Variants in PLEKHA6 observed in about 807,000 individuals in gnomAD.
The protein encoded by PLEKHA6 is pleckstrin homology domain containing A6, also known as pleckstrin homology domain-containing family A member 6.
A neutral mutation model predicts 116.7 loss-of-function variants in PLEKHA6; 60 were observed. The ratio of observed to expected loss-of-function variants is 0.51; its 90% confidence interval spans 0.42 to 0.64. The LOEUF (loss-of-function observed/expected upper bound fraction) is 0.64, where lower values mean the gene tolerates loss of function less well. Ranked by LOEUF, PLEKHA6 falls within the 30% of genes least tolerant of loss-of-function variation. PLEKHA6 has a pLI of 0.00. For synonymous variants in PLEKHA6, 489 were observed against 556.1 expected (o/e 0.88, Z 1.70); for missense variants, 1,338 against 1,422.7 (o/e 0.94, Z 0.96).
chr1:204,237,274 C>T (rs963163780), intron 17 of PLEKHA6, among the ~76,000 whole-genome samples: 1 of 152,150 alleles, frequency 6.6e-6, no homozygotes, highest in African/African-American at 2.4e-5. Context: ...GGAAGAACCC[C>T]CACATTGGCT....
intron 15 of PLEKHA6, 21 bp downstream of exon 15, chr1:204,244,843 C>T: frequency 1.3e-6 from 2 of 1,546,762 alleles, no homozygotes; most frequent in Non-Finnish European, 1.7e-6. Flanking sequence ...CACCTACCTT[C>T]TACTCCATTT....
rs574477690 is a variant in PLEKHA6 at position 204,358,752 on chromosome 1, C to G, written c.-95+942G>C. Among the ~76,000 whole-genome samples, 173 of 152,224 alleles carry G rather than the reference C, an allele frequency of 1.1e-3. 1 individual carries two copies. The highest frequency in any genetic ancestry group is 2.2e-3 in the Non-Finnish European group (148 of 67,974). On this transcript the variant is annotated intron_variant, in intron 1 of 22. Transcript: ENST00000272203. ...CCACCCTCCTGCAGCTCTCCCTCCC[C>G]ACCCCTGTGCCCCGGGGATGGCTCT... is the stretch of plus-strand genomic sequence containing the variant.
At position 204,270,752 on chromosome 1, in the gene PLEKHA6, TAA is replaced by T. The variant is rs1364133156; in HGVS notation, c.103-2442_103-2441del. 2.6e-5 allele frequency among the ~76,000 whole-genome samples: 4 copies of T among 152,196 alleles called. No homozygotes were observed. In the East Asian group the frequency reaches 7.7e-4, roughly 29 times the overall value. On this transcript the variant is annotated intron_variant, in intron 3 of 22. Transcript: ENST00000272203. ...CTATTTCTCTCTTGCACTCGTCACT[TAA>T]GAGAGAGGTTGGATTCCTCAGCACA... is the stretch of plus-strand genomic sequence containing the variant.
intron 1 of PLEKHA6, among the ~76,000 whole-genome samples, chr1:204,295,876 T>C (rs1670226040): frequency 6.6e-6 from 1 of 152,166 alleles, no homozygotes; most frequent in South Asian, 2.1e-4. Flanking sequence ...ACGAGCCTCC[T>C]GTGACAAAGC....
rs368874811 is a variant in PLEKHA6 at position 204,229,879 on chromosome 1, G to A, written c.2583+534C>T. Among the ~76,000 whole-genome samples the A allele has an allele frequency of 5.9e-5, 9 of 152,344 alleles. No individual in the cohort carries two copies. The East Asian group carries it at 1.7e-3, about 29-fold the overall frequency. ...GCTACATCCAGCTCTGTACTTAATA[G>A]CTGTGTAGCCCAGGAATCCTTTAAT... is the stretch of plus-strand genomic sequence containing the variant. On this transcript the variant is annotated intron_variant, in intron 18 of 22. Transcript: ENST00000272203.
chr1:204,310,180 G>C (rs1365893595), intron 1 of PLEKHA6, among the ~76,000 whole-genome samples: 1 of 152,056 alleles, frequency 6.6e-6, no homozygotes, highest in African/African-American at 2.4e-5. Context: ...TGGTAACAGT[G>C]ATCCTCTCCA....
chr1:204,279,814 T>G (rs1668413224), intron 1 of PLEKHA6, among the ~76,000 whole-genome samples: 1 of 152,198 alleles, frequency 6.6e-6, no homozygotes. Context: ...CTTAGTTTTC[T>G]CATGTGTAAA....
At chr1:204,292,295 T>TA (rs1669848430) in intron 1 of PLEKHA6, among the ~76,000 whole-genome samples, 1 of 152,232 alleles carries the variant, frequency 6.6e-6, no homozygotes, top group South Asian at 2.1e-4. Context: ...AAAGTGTTAG[T>TA]ACCACCCTCA....
rs2102779643 is a variant in PLEKHA6, at chr1:204,261,054, C to A, written c.524+252G>T. Among the ~76,000 whole-genome samples, 1 of 152,326 alleles carries A rather than the reference C, an allele frequency of 6.6e-6. No homozygotes were observed. The highest frequency in any genetic ancestry group is 2.4e-5 in the African/African-American group (1 of 41,564). On this transcript the variant is annotated intron_variant, in intron 7 of 22. Transcript: ENST00000272203. The surrounding 1 kb of genome is among the most constrained non-coding windows in gnomAD (Gnocchi z 4.0). The stretch of plus-strand genomic sequence containing the variant: ...CTGACCTCTGGCTCCTGGCCAGACC[C>A]CAATGGAACCTGGCTTTTCTCTTGG...
At chr1:204,350,175 G>A (rs979446109) in intron 1 of PLEKHA6, among the ~76,000 whole-genome samples, 1 of 152,116 alleles carries the variant, frequency 6.6e-6, no homozygotes, top group East Asian at 1.9e-4. Flanking sequence ...ACAAAAATTA[G>A]CTGGGCACAG....
In PLEKHA6 at chr1:204,277,329, G is replaced by A. The variant is rs1298667528; in HGVS notation, c.-94-2520C>T. On this transcript the variant is annotated intron_variant, in intron 1 of 22. Transcript: ENST00000272203. The surrounding 1 kb of genome is among the most constrained non-coding windows in gnomAD (Gnocchi z 4.1). ...GAGGACTGGAGGCAGAATAAACAAG[G>A]AGGGGATGATATCCTCCCCATTCAG... Among the ~76,000 whole-genome samples, 1 of 152,166 alleles carries A rather than the reference G, an allele frequency of 6.6e-6. No individual in the cohort carries two copies. Among genetic ancestry groups the A allele is most frequent in the Admixed American group, 6.5e-5 (1 of 15,274 alleles).
chr1:204,298,826 G>A (rs1385122129), intron 1 of PLEKHA6, among the ~76,000 whole-genome samples: 1 of 152,234 alleles, frequency 6.6e-6, no homozygotes, highest in African/African-American at 2.4e-5. Flanking sequence ...TGGGAACAGA[G>A]ATGGAGAGAA....
chr1:204,242,136 T>TG (rs934516176), intron 15 of PLEKHA6, among the ~76,000 whole-genome samples: 6 of 152,078 alleles, frequency 3.9e-5, no homozygotes, highest in South Asian at 2.1e-4. Flanking sequence ...GAATGGCCGG[T>TG]GGGGGGTCTC....
At chr1:204,250,447 C>T in intron 10 of PLEKHA6, 99 bp downstream of exon 10, 1 of 807,842 alleles carries the variant, frequency 1.2e-6, no homozygotes, top group Non-Finnish European at 2.2e-6. Context: ...GAGAGACAGC[C>T]CCCGCAGAGG....
At chr1:204,298,943 T>C (rs1255919044) in intron 1 of PLEKHA6, among the ~76,000 whole-genome samples, 1 of 152,202 alleles carries the variant, frequency 6.6e-6, no homozygotes, top group East Asian at 1.9e-4. Context: ...CTGAAAGTCC[T>C]CTCTGCAATG....
intron 1 of PLEKHA6, among the ~76,000 whole-genome samples, chr1:204,293,136 A>C (rs1467392714): frequency 6.7e-6 from 1 of 150,344 alleles, no homozygotes; most frequent in Non-Finnish European, 1.5e-5. Flanking sequence ...CAGTAATCAG[A>C]CTTTTTTTTT....
At chr1:204,320,726 C>G (rs549630205) in intron 1 of PLEKHA6, among the ~76,000 whole-genome samples, 1 of 152,212 alleles carries the variant, frequency 6.6e-6, no homozygotes, top group Non-Finnish European at 1.5e-5. Context: ...CTGTGGAGAC[C>G]TCCTGTACGC....
Position 204,245,686 on chromosome 1 carries a change from C to T in PLEKHA6, c.1961G>A (p.Arg654Lys). The change falls in exon 14 of 23, where the codon AGG becomes AAG. Residue 654 changes from arginine to lysine, a missense_variant. Physicochemically the swap from Arg to Lys is conservative, Grantham distance 26. Coordinates refer to ENST00000272203, the MANE Select transcript of PLEKHA6 (RefSeq NM_014935.5). Reference protein sequence around the residue: ...LNRQIQKEIWRIQDVMEGLRK... With the variant: ...LNRQIQKEIWKIQDVMEGLRK... ...CAGCCCCTCCATCACGTCCTGGATCCTCCAGATCTCCTTTTGGATTTGCCG... is the reference window on the plus strand; with the variant it reads ...CAGCCCCTCCATCACGTCCTGGATCTTCCAGATCTCCTTTTGGATTTGCCG... 6.2e-7 allele frequency: 1 copy of T among 1,613,782 alleles called. No individual in the cohort carries two copies. Among genetic ancestry groups the T allele is most frequent in the Non-Finnish European group, 8.5e-7 (1 of 1,179,828 alleles).
intron 1 of PLEKHA6, chr1:204,281,035 T>C (rs1668538352): frequency 1.0e-6 from 1 of 980,962 alleles, no homozygotes; most frequent in Admixed American, 6.2e-5. Flanking sequence ...CAAACAACAC[T>C]GCCTTAGCCA....
Sources: allele counts gnomAD v4.1 joint callset (sites outside exome capture counted in the v4.1 genomes callset), GRCh38; gene constraint gnomAD v4.1.1; non-coding constraint Gnocchi (gnomAD v3.1); transcripts MANE v1.5; gene names NCBI Gene and HGNC (gene_info 2026-07-23, HGNC 2026-07-21).